The following SETD4 variants were observed in gnomAD, a reference collection of about 807,000 sequenced individuals.
SETD4 encodes SET domain containing 4.
A neutral mutation model predicts 58.3 loss-of-function variants in SETD4; 46 were observed. The ratio of observed to expected loss-of-function variants is 0.79; its 90% CI spans 0.62 to 1.01. The LOEUF (loss-of-function observed/expected upper bound fraction) is 1.01. Ranked by LOEUF, SETD4 falls within the 50% of genes least tolerant of loss-of-function variation. The pLI, the probability that SETD4 is intolerant of heterozygous loss-of-function variation, is 0.00. For missense variants in SETD4, 490 were observed against 523.3 expected, an observed-to-expected ratio of 0.94 and a Z score of 0.62; for synonymous variants, 190 against 202.6, an observed-to-expected ratio of 0.94 and a Z score of 0.53.
intron 5 of SETD4, among the ~76,000 whole-genome samples, chr21:36,047,738 C>G (rs2064401704): frequency 6.6e-6 from 1 of 151,376 alleles, no homozygotes; most frequent in Non-Finnish European, 1.5e-5. Context: ...CACCTGTAAT[C>G]CCAGCACTTT....
chr21:36,036,147 G>A lies in SETD4; in HGVS notation c.1293C>T (p.Thr431=). Residue 431 remains threonine, a synonymous_variant, in exon 11 of 12, where the codon ACC becomes ACT. Coordinates refer to ENST00000332131, the MANE Select transcript of SETD4 (RefSeq NM_017438.5). ...TAAAAGCTGTTTGCAAACTGTGCAG[G>A]GTCTCGGCAGATGCCCTGAGAATCT... ...ELKILRASAE[T]LHSLQTAFT is the part of the protein sequence containing the mutation. 2 of 1,613,996 alleles carry A rather than the reference G, an allele frequency of 1.2e-6. No individual in the cohort carries two copies. Among genetic ancestry groups the A allele is most frequent in the African/African-American group, 1.3e-5 (1 of 74,998 alleles).
intron 9 of SETD4, among the ~76,000 whole-genome samples, chr21:36,039,218 G>A (rs190184629): frequency 6.6e-5 from 10 of 152,248 alleles, no homozygotes; most frequent in Non-Finnish European, 1.3e-4. Context: ...ACCTAGCAAA[G>A]AAAGCACGAT....
chr21:36,039,338 C>T (rs903654913), intron 9 of SETD4, among the ~76,000 whole-genome samples: 1 of 152,198 alleles, frequency 6.6e-6, no homozygotes, highest in African/African-American at 2.4e-5. Flanking sequence ...GAGCCCCACA[C>T]GTGCTTTCTC....
In SETD4 at chr21:36,038,152, T is replaced by TGG; in HGVS notation, c.1185_1186insCC (p.Lys396ProfsTer6). 1 of 1,609,746 alleles carries TGG rather than the reference T, an allele frequency of 6.2e-7. No individual in the cohort carries two copies. The highest frequency in any genetic ancestry group is 8.5e-7 in the Non-Finnish European group (1 of 1,178,950). ...GATGTCATATTCTAGAAACATACCT[T>TGG]TTGAAGCACAGCATTAGTCTCTTCT... On this transcript the variant is annotated frameshift_variant, in exon 10 of 12. Coordinates refer to ENST00000332131, the MANE Select transcript of SETD4 (RefSeq NM_017438.5). LOFTEE classifies it high-confidence loss of function.
rs554603771 is a variant in SETD4 at position 36,048,597 on chromosome 21, G to A, written c.208-201C>T. On this transcript the variant is annotated intron_variant, in intron 4 of 11. Transcript: ENST00000332131. ...GCACACGAGGCTGCTCCAAGGCGAG[G>A]CCCCACAGCCCCAACAAAAATGAAA... Among the ~76,000 whole-genome samples the A allele has an allele frequency of 4.8e-4, 73 of 152,144 alleles. 1 individual carries two copies. The Middle Eastern group carries it at 0.01, about 21-fold the overall frequency.
At chr21:36,041,587 G>C (rs1005870725) in intron 8 of SETD4, among the ~76,000 whole-genome samples, 1 of 152,146 alleles carries the variant, frequency 6.6e-6, no homozygotes, top group African/African-American at 2.4e-5. Context: ...TTTCTAGCTT[G>C]TATCTTATGT....
chr21:36,044,523 TCC>T (rs889230215), intron 6 of SETD4, among the ~76,000 whole-genome samples: 3 of 151,952 alleles, frequency 2.0e-5, no homozygotes, highest in Non-Finnish European at 4.4e-5. Flanking sequence ...GCTGACGGAG[TCC>T]CCATGTCTAG....
In SETD4 at chr21:36,034,621, A is replaced by G. The variant is rs1344639099; in HGVS notation, c.*1372T>C. 6.6e-6 allele frequency: 1 copy of G among 152,252 alleles called. No homozygotes were observed. The highest frequency in any genetic ancestry group is 1.5e-5 in the Non-Finnish European group (1 of 68,062). 9.4% of individuals were successfully genotyped at this position (152,252 alleles called of 1,614,324 possible). A position where few individuals can be genotyped will look rare whatever the true frequency, so the allele number is the denominator to read the frequency against. On this transcript the variant is annotated 3_prime_UTR_variant, in exon 12 of 12. Transcript: ENST00000332131. ...GGAATTAACATATTTAGGTCCACTC[A>G]TAGGGAAGAGGAAAAAGAAATTCTG...
At chr21:36,037,516 A>G (rs1312816780) in intron 10 of SETD4, among the ~76,000 whole-genome samples, 9 of 144,612 alleles carry the variant, frequency 6.2e-5, no homozygotes, top group East Asian at 4.2e-4. Context: ...GAGGCAGGAG[A>G]ATCACTTGAA....
chr21:36,050,730 C>T (rs908191089), intron 4 of SETD4: 26 of 1,612,196 alleles, frequency 1.6e-5, no homozygotes, highest in Admixed American at 8.3e-5. Flanking sequence ...TTTCTTGGCT[C>T]GAGATAAGCA....
At chr21:36,047,180 G>A (rs1311579488) in intron 5 of SETD4, among the ~76,000 whole-genome samples, 3 of 152,212 alleles carry the variant, frequency 2.0e-5, no homozygotes, top group East Asian at 1.9e-4. Flanking sequence ...GCTTGAACCC[G>A]GAAGGTGGAG....
At chr21:36,048,923 T>C (rs1421661585) in intron 4 of SETD4, among the ~76,000 whole-genome samples, 1 of 152,062 alleles carries the variant, frequency 6.6e-6, no homozygotes, top group Non-Finnish European at 1.5e-5. Flanking sequence ...TTTCACCTAT[T>C]TCTTCACTTT....
rs773888607 is a variant in SETD4 at position 36,036,101 on chromosome 21, AT to A, written c.*15del. On this transcript the variant is annotated 3_prime_UTR_variant, in exon 11 of 12. Coordinates refer to ENST00000332131, the MANE Select transcript of SETD4 (RefSeq NM_017438.5). ...AACACCCACCAGAGGAGGTGACCAAATGCGCTTCGGTGAAATCAGGTAAAAG... is the reference window on the plus strand; with the variant it reads ...AACACCCACCAGAGGAGGTGACCAAAGCGCTTCGGTGAAATCAGGTAAAAG... The A allele has an allele frequency of 4.5e-5, 73 of 1,613,974 alleles. No individual in the cohort carries two copies. The highest frequency in any genetic ancestry group is 6.1e-5 in the Non-Finnish European group (72 of 1,180,010).
At position 36,045,858 on chromosome 21, in the gene SETD4, A is replaced by T; in HGVS notation, c.450T>A (p.Leu150=). The change falls in exon 6 of 12, where the codon CTT becomes CTA. Residue 150 remains leucine, a synonymous_variant. Transcript: ENST00000332131. ...PVCLEPEVVN[L]LPKSLKAKAE... ...CCTTTGCTTTTAAAGATTTGGGAAG[A>T]AGGTTCACCACTTCCGGCTCCAAAC... is the stretch of plus-strand genomic sequence containing the variant. The T allele has an allele frequency of 6.2e-7, 1 of 1,614,216 alleles. No homozygotes were observed. The highest frequency in any genetic ancestry group is 8.5e-7 in the Non-Finnish European group (1 of 1,180,026).
intron 4 of SETD4, 38 bp from the exon 5 acceptor site, chr21:36,048,434 T>G (rs1470737568): frequency 1.9e-6 from 3 of 1,580,630 alleles, no homozygotes; most frequent in Non-Finnish European, 1.7e-6. Flanking sequence ...ACGCCTATGC[T>G]TTGGGAAGGA....
chr21:36,054,379 C>A (rs1048838381), intron 3 of SETD4, among the ~76,000 whole-genome samples: 1 of 152,252 alleles, frequency 6.6e-6, no homozygotes, highest in Admixed American at 6.5e-5. Flanking sequence ...CAGATGACAG[C>A]TTTTCTGGCA....
chr21:36,044,488 A>G (rs1367849272), intron 6 of SETD4, among the ~76,000 whole-genome samples: 1 of 152,192 alleles, frequency 6.6e-6, no homozygotes, highest in Non-Finnish European at 1.5e-5. Context: ...AAATGCACCA[A>G]AAGTCCCAAT....
intron 4 of SETD4, chr21:36,053,349 T>C: frequency 1.7e-6 from 1 of 573,712 alleles, no homozygotes; most frequent in South Asian, 2.1e-5. Context: ...TCCAAGCTTG[T>C]TTCTATGAGT....
At position 36,041,893 on chromosome 21, in the gene SETD4, ATTC is replaced by A; in HGVS notation, c.902-8_902-6del. 1.6e-6 allele frequency: 2 copies of A among 1,265,716 alleles called. No homozygotes were observed. The highest frequency in any genetic ancestry group is 3.4e-5 in the Admixed American group (1 of 29,812). The allele number at this position is 1,265,716 out of a possible 1,614,324, so 78.4% of individuals were successfully genotyped here. On this transcript the variant is annotated splice_region_variant and splice_polypyrimidine_tract_variant and intron_variant, in intron 7 of 11. Transcript: ENST00000332131. Reference sequence around the variant, plus strand: ...GAAGATATTTAACAAGTATTTCTATATTCAAAAAAAAAAATCAGACTGTTAGGG... The same window carrying A: ...GAAGATATTTAACAAGTATTTCTATAAAAAAAAAAAATCAGACTGTTAGGG...
Sources: allele counts gnomAD v4.1 joint callset (sites outside exome capture counted in the v4.1 genomes callset), GRCh38; gene constraint gnomAD v4.1.1; transcripts MANE v1.5; gene names NCBI Gene and HGNC (gene_info 2026-07-23, HGNC 2026-07-21).